BOC: variants seen among roughly 807,000 people sequenced by gnomAD.
BOC encodes BOC cell adhesion associated, oncogene regulated.
In BOC, 76 loss-of-function variants were observed where a neutral mutation model predicts 112.0. That is an observed-to-expected ratio of 0.68 (90% CI 0.56 to 0.82). The LOEUF is 0.82. BOC is among the 40% of genes least tolerant of loss of function. The pLI, the probability that BOC is intolerant of heterozygous loss-of-function variation, is 0.00. For synonymous variants in BOC, 580 were observed against 599.8 expected, an observed-to-expected ratio of 0.97 and a Z score of 0.48; for missense variants, 1,309 against 1,511.7, an observed-to-expected ratio of 0.87 and a Z score of 2.22.
At chr3:113,276,494 G>T (rs1948687567) in intron 9 of BOC, among the ~76,000 whole-genome samples, 1 of 152,210 alleles carries the variant, frequency 6.6e-6, no homozygotes, top group Admixed American at 6.5e-5. Flanking sequence ...TCAGCCTGGG[G>T]TTGCCAAGGC....
chr3:113,244,289 C>T (rs1038418520), intron 2 of BOC, among the ~76,000 whole-genome samples: 2 of 143,998 alleles, frequency 1.4e-5, no homozygotes, highest in African/African-American at 2.4e-5. Context: ...TAGAGTATAG[C>T]AATATTTTTT....
chr3:113,246,824 C>T (rs140254925), intron 2 of BOC, among the ~76,000 whole-genome samples: 13 of 152,220 alleles, frequency 8.5e-5, no homozygotes, highest in Non-Finnish European at 1.3e-4. Flanking sequence ...CTCTGGATAC[C>T]TGCACCTTCT....
rs5851892 is a variant in BOC at position 113,286,906 on chromosome 3, T to TAA, written c.*54_*55dup. 257 of 1,253,994 alleles carry TAA rather than the reference T, an allele frequency of 2.0e-4. No individual in the cohort carries two copies. The highest frequency in any genetic ancestry group is 2.5e-4 in the Middle Eastern group (1 of 4,012). 77.7% of individuals were successfully genotyped at this position (1,253,994 alleles called of 1,614,324 possible). On this transcript the variant is annotated 3_prime_UTR_variant, in exon 20 of 20. Coordinates refer to ENST00000682979, the MANE Select transcript of BOC (RefSeq NM_001378074.1). ...GAAAGACTATATATTGTTTTTTTTTTAAAAAAAAAAAGAAGAAAAAAGAGA... is the reference window on the plus strand; with the variant it reads ...GAAAGACTATATATTGTTTTTTTTTTAAAAAAAAAAAAAGAAGAAAAAAGAGA...
At chr3:113,257,849 TC>T (rs754337671) in intron 4 of BOC, among the ~76,000 whole-genome samples, 2 of 152,234 alleles carry the variant, frequency 1.3e-5, no homozygotes, top group African/African-American at 2.4e-5. Context: ...AGCAAAGCAC[TC>T]ATTCTCCAGT....
intron 2 of BOC, among the ~76,000 whole-genome samples, chr3:113,227,312 C>G (rs906680758): frequency 6.6e-6 from 1 of 152,126 alleles, no homozygotes; most frequent in Non-Finnish European, 1.5e-5. Context: ...AAGGCCTCTG[C>G]GCATGGTTGG....
At chr3:113,248,303 G>C (rs1304903102) in intron 2 of BOC, among the ~76,000 whole-genome samples, 1 of 152,192 alleles carries the variant, frequency 6.6e-6, no homozygotes, top group Non-Finnish European at 1.5e-5. Context: ...TGTTTCTTAC[G>C]GCAGTCTCTG....
At chr3:113,238,064 G>A (rs1199117024) in intron 2 of BOC, among the ~76,000 whole-genome samples, 1 of 152,220 alleles carries the variant, frequency 6.6e-6, no homozygotes, top group East Asian at 1.9e-4. Flanking sequence ...TATAAGGTGT[G>A]TGAGATGCTA....
chr3:113,218,151 A>G (rs1367717064), intron 2 of BOC, among the ~76,000 whole-genome samples: 1 of 152,198 alleles, frequency 6.6e-6, no homozygotes, highest in Non-Finnish European at 1.5e-5. Context: ...AGGTGAGGAA[A>G]GCGGAGCCTG....
At position 113,274,451 on chromosome 3, in the gene BOC, C is replaced by A; in HGVS notation, c.1311C>A (p.Asn437Lys). The change falls in exon 9 of 20, where the codon AAC becomes AAA. Residue 437 changes from asparagine to lysine, a missense_variant. By Grantham distance (94) the Asn-to-Lys change is moderately conservative. Transcript: ENST00000682979. This position sits in a 1 kb window ranked among gnomAD's most constrained non-coding sequence, Gnocchi z 4.8. ...TPPVSPSKLG[N>K]PEQMLRGQPA... ...CTGTATCACCCTCCAAACTCGGCAA[C>A]CCTGAGCAGATGCTGAGGGGGCAAC... 6.2e-7 allele frequency: 1 copy of A among 1,610,286 alleles called. No homozygotes were observed. Among genetic ancestry groups the A allele is most frequent in the Non-Finnish European group, 8.5e-7 (1 of 1,177,642 alleles).
intron 2 of BOC, among the ~76,000 whole-genome samples, chr3:113,225,292 A>G (rs1941481883): frequency 1.3e-5 from 2 of 152,104 alleles, no homozygotes; most frequent in Admixed American, 6.5e-5. Flanking sequence ...ACAACAAAAA[A>G]AAACCCCAAC....
chr3:113,276,462 C>T (rs1296219241), intron 9 of BOC, among the ~76,000 whole-genome samples: 2 of 152,216 alleles, frequency 1.3e-5, no homozygotes, highest in Admixed American at 1.3e-4. Flanking sequence ...TGGCTTCTCT[C>T]AGGCTCCAGC....
At chr3:113,253,981 G>A (rs1161834628) in intron 4 of BOC, among the ~76,000 whole-genome samples, 1 of 152,228 alleles carries the variant, frequency 6.6e-6, no homozygotes, top group Non-Finnish European at 1.5e-5. Context: ...TATTGTTTGG[G>A]AAAGGGAGAG....
In BOC at chr3:113,249,909, T is replaced by G; in HGVS notation, c.97+10T>G. 1 of 1,609,392 alleles carries G rather than the reference T, an allele frequency of 6.2e-7. No individual in the cohort carries two copies. Among genetic ancestry groups the G allele is most frequent in the East Asian group, 2.2e-5 (1 of 44,858 alleles). The stretch of plus-strand genomic sequence containing the variant: ...TGCTTTGCTGACTTGAGTGAGTGCT[T>G]TCCTTCCCTTTCCCTGCCCTTACAG... On this transcript the variant is annotated intron_variant, in intron 3 of 19. Coordinates refer to ENST00000682979, the MANE Select transcript of BOC (RefSeq NM_001378074.1).
intron 19 of BOC, among the ~76,000 whole-genome samples, 177 bp from the exon 20 acceptor site, chr3:113,286,498 T>C (rs1218306225): frequency 6.6e-6 from 1 of 152,026 alleles, no homozygotes; most frequent in Non-Finnish European, 1.5e-5. Context: ...GCCCTCCCTG[T>C]TTTGATGAGA....
intron 2 of BOC, among the ~76,000 whole-genome samples, chr3:113,218,574 A>G (rs1005931208): frequency 1.3e-5 from 2 of 152,248 alleles, no homozygotes; most frequent in Non-Finnish European, 2.9e-5. Flanking sequence ...ACATCAAGTC[A>G]TGGAAATTCA....
intron 2 of BOC, among the ~76,000 whole-genome samples, chr3:113,218,656 T>C (rs927101338): frequency 1.3e-5 from 2 of 152,264 alleles, no homozygotes; most frequent in African/African-American, 4.8e-5. Flanking sequence ...TGCTGTATTA[T>C]AGCCAAGAGT....
chr3:113,280,223 A>C (rs1269913247), intron 13 of BOC, among the ~76,000 whole-genome samples: 1 of 151,964 alleles, frequency 6.6e-6, no homozygotes, highest in Non-Finnish European at 1.5e-5. Flanking sequence ...TTCCCCTGAC[A>C]CCACAGGGGA....
chr3:113,272,377 C>A (rs764119165), intron 6 of BOC, 33 bp from the exon 7 acceptor site: 10 of 1,602,212 alleles, frequency 6.2e-6, no homozygotes, highest in Non-Finnish European at 8.5e-6. Context: ...CTGGTCCACA[C>A]GCCTTCTGTC....
chr3:113,266,660 CATTT>C (rs1947513813), intron 4 of BOC, among the ~76,000 whole-genome samples: 1 of 152,170 alleles, frequency 6.6e-6, no homozygotes, highest in East Asian at 1.9e-4. Context: ...AACATTCATT[CATTT>C]ATTCATTCAA....
Sources: allele counts gnomAD v4.1 joint callset (sites outside exome capture counted in the v4.1 genomes callset), GRCh38; gene constraint gnomAD v4.1.1; non-coding constraint Gnocchi (gnomAD v3.1); transcripts MANE v1.5; gene names NCBI Gene and HGNC (gene_info 2026-07-23, HGNC 2026-07-21).